Variants in RBM19 observed in about 807,000 individuals in gnomAD.
The protein encoded by RBM19 is RNA binding motif protein 19, also known as probable RNA-binding protein 19.
RBM19 carries 94 observed loss-of-function variants against 116.8 expected under a neutral mutation model. That is an observed-to-expected ratio of 0.80 (90% CI 0.68 to 0.95). The LOEUF is 0.95. Among genes scored for constraint, RBM19 ranks in the 40% least tolerant of loss-of-function variants. The pLI is 0.00. For synonymous variants in RBM19, 475 were observed against 494.1 expected (o/e 0.96, Z 0.51); for missense variants, 1,161 against 1,220.7 (o/e 0.95, Z 0.73).
At chr12:113,888,432 C>T (rs1300898003) in intron 21 of RBM19, among the ~76,000 whole-genome samples, 1 of 152,190 alleles carries the variant, frequency 6.6e-6, no homozygotes, top group East Asian at 1.9e-4. Context: ...GCCACTGTCT[C>T]ATCTGTCAAT....
chr12:113,963,656 T>C (rs1262779201), intron 1 of RBM19, among the ~76,000 whole-genome samples: 1 of 152,234 alleles, frequency 6.6e-6, no homozygotes, highest in African/African-American at 2.4e-5. Context: ...TATAAGACAG[T>C]GAATTCAATT....
rs552825528 is a variant in RBM19 at position 113,940,599 on chromosome 12, T to C, written c.1738-439A>G. On this transcript the variant is annotated intron_variant, in intron 14 of 23. Transcript: ENST00000261741. The stretch of plus-strand genomic sequence containing the variant: ...CAGCTCTCAGGAGTTGCTGCACTCC[T>C]TGTCCTTGGGTGGGATGAGACTGAG... 4.0e-4 allele frequency among the ~76,000 whole-genome samples: 61 copies of C among 152,314 alleles called. 1 individual carries two copies. Among genetic ancestry groups the C allele is most frequent in the African/African-American group, 1.4e-3 (60 of 41,576 alleles).
At chr12:113,955,699 T>C (rs1871876865) in intron 6 of RBM19, among the ~76,000 whole-genome samples, 1 of 152,176 alleles carries the variant, frequency 6.6e-6, no homozygotes, top group Non-Finnish European at 1.5e-5. Flanking sequence ...CTGGTAACCT[T>C]TATGGCAACA....
At chr12:113,965,068 C>T (rs1213434146) in intron 1 of RBM19, among the ~76,000 whole-genome samples, 1 of 151,834 alleles carries the variant, frequency 6.6e-6, no homozygotes, top group Non-Finnish European at 1.5e-5. Flanking sequence ...GTCAGGAGTT[C>T]GAGACCAACT....
intron 22 of RBM19, among the ~76,000 whole-genome samples, chr12:113,846,068 G>A (rs894341405): frequency 3.9e-5 from 6 of 152,290 alleles, no homozygotes; most frequent in South Asian, 4.1e-4. Context: ...TTTTGTTACC[G>A]TAGACATCAC....
At chr12:113,817,211 T>G (rs1033648390), downstream of RBM19, 1 of 152,270 alleles carries the variant, frequency 6.6e-6, no homozygotes, top group African/African-American at 2.4e-5. Context: ...GTCTTCCACC[T>G]GATGCATGGG....
chr12:113,917,101 C>CAAGG (rs1882817701), intron 20 of RBM19, among the ~76,000 whole-genome samples: 1 of 152,194 alleles, frequency 6.6e-6, no homozygotes, highest in Non-Finnish European at 1.5e-5. Context: ...TGTAAACTCC[C>CAAGG]AAGGAAACAC....
At position 113,932,977 on chromosome 12, in the gene RBM19, T is replaced by C. The variant is rs556280837; in HGVS notation, c.2068+4030A>G. Among the ~76,000 whole-genome samples the C allele has an allele frequency of 4.6e-5, 7 of 152,234 alleles. No homozygotes were observed. In the South Asian group the frequency reaches 1.0e-3, roughly 23 times the overall value. Reference sequence around the variant, plus strand: ...ATTATAATCAGGCCACAGAATTTACTGCGGCCTCCTCCCCTTTCCCGGCTC... The same window carrying C: ...ATTATAATCAGGCCACAGAATTTACCGCGGCCTCCTCCCCTTTCCCGGCTC... On this transcript the variant is annotated intron_variant, in intron 16 of 23. Coordinates refer to ENST00000261741, the MANE Select transcript of RBM19 (RefSeq NM_016196.4).
chr12:113,873,646 C>T lies in RBM19; in HGVS notation c.2559-14750G>A, dbSNP rs1280836675. Among the ~76,000 whole-genome samples, 6 of 131,708 alleles carry T rather than the reference C, an allele frequency of 4.6e-5. No homozygotes were observed. The East Asian group carries it at 6.6e-4, about 14-fold the overall frequency. 86.4% of individuals were successfully genotyped at this position (131,708 alleles called of 152,430 possible). ...TTGTCCCATGACCCTGCCAAATCCC[C>T]CTCTGTGAGAAACACCCAAGAATTA... On this transcript the variant is annotated intron_variant, in intron 21 of 23. Transcript: ENST00000261741.
chr12:113,950,571 A>C (rs1401684960), intron 8 of RBM19, among the ~76,000 whole-genome samples: 1 of 152,124 alleles, frequency 6.6e-6, no homozygotes, highest in Non-Finnish European at 1.5e-5. Context: ...TGAGGCCTTG[A>C]CTTGCACAAA....
At chr12:113,836,994 TACACACACACACACACACAC>T (rs55991489) in intron 23 of RBM19, among the ~76,000 whole-genome samples, 1 of 56,260 alleles carries the variant, frequency 1.8e-5, no homozygotes, top group Non-Finnish European at 3.1e-5. Flanking sequence ...ACTTACTACA[TACACACACACACACACACAC>T]ACACACACAC....
At chr12:113,953,382 A>G (rs1431521332) in intron 7 of RBM19, among the ~76,000 whole-genome samples, 1 of 152,074 alleles carries the variant, frequency 6.6e-6, no homozygotes, top group Non-Finnish European at 1.5e-5. Flanking sequence ...CAGCTACCCG[A>G]GAGGCTGAGG....
chr12:113,821,001 G>A (rs1458725703), downstream of RBM19, among the ~76,000 whole-genome samples: 1 of 152,226 alleles, frequency 6.6e-6, no homozygotes, highest in Non-Finnish European at 1.5e-5. Flanking sequence ...CCTGGCAGGG[G>A]CCTGCAGCTG....
intron 14 of RBM19, among the ~76,000 whole-genome samples, chr12:113,941,484 T>C (rs1870560860): frequency 6.6e-6 from 1 of 151,756 alleles, no homozygotes; most frequent in South Asian, 2.1e-4. Context: ...CATGTAAACT[T>C]AGAAGAGTGC....
intron 2 of RBM19, among the ~76,000 whole-genome samples, chr12:113,961,658 G>A (rs1446671044): frequency 6.6e-6 from 1 of 152,194 alleles, no homozygotes; most frequent in Non-Finnish European, 1.5e-5. Context: ...AAATACACGA[G>A]TGACCTGAGT....
chr12:113,835,633 C>T (rs1055670174), intron 23 of RBM19, among the ~76,000 whole-genome samples: 7 of 152,184 alleles, frequency 4.6e-5, no homozygotes, highest in South Asian at 2.1e-4. Context: ...TGCTGGAGGC[C>T]GGCGACCCAT....
chr12:113,878,585 G>A (rs1341152230), intron 21 of RBM19, among the ~76,000 whole-genome samples: 2 of 151,518 alleles, frequency 1.3e-5, no homozygotes, highest in Admixed American at 6.6e-5. Context: ...TGCCCTGAGA[G>A]TGGCAAGACA....
intron 21 of RBM19, among the ~76,000 whole-genome samples, chr12:113,883,078 CAGAG>C (rs1263624077): frequency 2.0e-5 from 3 of 152,002 alleles, no homozygotes; most frequent in South Asian, 2.1e-4. Context: ...GAGAGACAGA[CAGAG>C]AGAGGTTGTA....
At chr12:113,954,098 G>A (rs1317645069) in intron 7 of RBM19, among the ~76,000 whole-genome samples, 1 of 152,204 alleles carries the variant, frequency 6.6e-6, no homozygotes, top group African/African-American at 2.4e-5. Context: ...AAATGCTGCT[G>A]TAGCAGAGTA....
Sources: gnomAD v4.1 joint callset for allele counts (sites outside exome capture counted in the v4.1 genomes callset) on GRCh38, gnomAD v4.1.1 for gene constraint, MANE v1.5 for transcripts, NCBI Gene and HGNC (gene_info 2026-07-23, HGNC 2026-07-21) for gene names.